The following ZNF827 variants were observed in gnomAD, a reference collection of about 807,000 sequenced individuals.
The protein encoded by ZNF827 is zinc finger protein 827.
In ZNF827, 13 loss-of-function variants were observed where a neutral mutation model predicts 102.4. The ratio of observed to expected loss-of-function variants is 0.13; its 90% CI spans 0.08 to 0.20. The LOEUF is 0.20. Among genes scored for constraint, ZNF827 ranks in the 10% least tolerant of loss-of-function variants. ZNF827 has a pLI of 1.00. For missense variants in ZNF827, 1,103 were observed against 1,344.4 expected, an observed-to-expected ratio of 0.82 and a Z score of 2.81; for synonymous variants, 523 against 536.2, an observed-to-expected ratio of 0.98 and a Z score of 0.34.
intron 4 of ZNF827, among the ~76,000 whole-genome samples, chr4:145,885,289 A>C (rs2126819590): frequency 6.6e-6 from 1 of 152,282 alleles, no homozygotes; most frequent in African/African-American, 2.4e-5. Flanking sequence ...TGCCAAAATG[A>C]GGTATTTCAT....
At chr4:145,917,141 A>G (rs1433576137) in intron 1 of ZNF827, among the ~76,000 whole-genome samples, 1 of 152,160 alleles carries the variant, frequency 6.6e-6, no homozygotes, top group Non-Finnish European at 1.5e-5. Context: ...CTGCTCCTCC[A>G]AATTCTTCTA....
At chr4:145,913,021 C>T (rs781590498) in intron 1 of ZNF827, among the ~76,000 whole-genome samples, 2 of 152,032 alleles carry the variant, frequency 1.3e-5, no homozygotes, top group Admixed American at 6.6e-5. Context: ...TACATAAAAC[C>T]GACCACATTG....
intron 2 of ZNF827, among the ~76,000 whole-genome samples, chr4:145,896,384 G>T (rs75208586): frequency 0.014 from 2,068 of 152,178 alleles, 47 homozygotes; most frequent in African/African-American, 0.047. Context: ...AAATACTGAT[G>T]GACAATCCAG....
intron 7 of ZNF827, among the ~76,000 whole-genome samples, chr4:145,829,524 T>C (rs144447761): frequency 2.0e-5 from 3 of 152,362 alleles, no homozygotes; most frequent in Non-Finnish European, 2.9e-5. Context: ...GGATAAAACA[T>C]GTCTGAAAGA....
chr4:145,935,060 T>C (rs1363335545), intron 1 of ZNF827, among the ~76,000 whole-genome samples: 1 of 152,118 alleles, frequency 6.6e-6, no homozygotes, highest in Non-Finnish European at 1.5e-5. Flanking sequence ...AGATCTCCCT[T>C]CTCCTCCTCC....
chr4:145,900,422 A>C (rs773499277), intron 2 of ZNF827, among the ~76,000 whole-genome samples: 4 of 151,490 alleles, frequency 2.6e-5, no homozygotes, highest in Non-Finnish European at 4.4e-5. Flanking sequence ...TCTTTTTTTT[A>C]TTTTTATTTT....
intron 11 of ZNF827, among the ~76,000 whole-genome samples, chr4:145,770,364 T>C (rs1736085940): frequency 6.6e-6 from 1 of 151,454 alleles, no homozygotes; most frequent in African/African-American, 2.4e-5. Context: ...GATCAGAACA[T>C]GTGAGTTTGA....
intron 4 of ZNF827, 48 bp downstream of exon 4, chr4:145,885,629 AG>A: frequency 1.3e-6 from 2 of 1,490,336 alleles, no homozygotes; most frequent in South Asian, 2.8e-5. Flanking sequence ...AGAGAGAGAG[AG>A]AGAGAGAGAG....
intron 1 of ZNF827, among the ~76,000 whole-genome samples, chr4:145,928,454 A>G (rs1236386239): frequency 6.6e-6 from 1 of 152,214 alleles, no homozygotes; most frequent in Non-Finnish European, 1.5e-5. Flanking sequence ...ATTACATAAT[A>G]CAGTTCAAGC....
chr4:145,771,434 G>A (rs1350105373), intron 11 of ZNF827, among the ~76,000 whole-genome samples: 1 of 152,192 alleles, frequency 6.6e-6, no homozygotes, highest in African/African-American at 2.4e-5. Flanking sequence ...GTCAATGTGA[G>A]GTGAGGTATT....
At position 145,758,007 on chromosome 4, in the gene ZNF827, T is replaced by C. The variant is rs1464245856; in HGVS notation, c.*3609A>G. 2 of 152,194 alleles carry C rather than the reference T, an allele frequency of 1.3e-5. No homozygotes were observed. The highest frequency in any genetic ancestry group is 2.9e-5 in the Non-Finnish European group (2 of 68,034). 9.4% of individuals were successfully genotyped at this position (152,194 alleles called of 1,614,324 possible). A position where few individuals can be genotyped will look rare whatever the true frequency, so the allele number is the denominator to read the frequency against. Reference sequence around the variant, plus strand: ...GTGTTTTATACGGAAAGGATATCTATGGAATACATCCTTCCCTGAGTATCA... The same window carrying C: ...GTGTTTTATACGGAAAGGATATCTACGGAATACATCCTTCCCTGAGTATCA... On this transcript the variant is annotated 3_prime_UTR_variant, in exon 15 of 15. Transcript: ENST00000508784.
At chr4:145,871,327 T>C (rs1748663394) in intron 4 of ZNF827, among the ~76,000 whole-genome samples, 1 of 152,218 alleles carries the variant, frequency 6.6e-6, no homozygotes, top group Non-Finnish European at 1.5e-5. Flanking sequence ...CTAATGTCCT[T>C]TTTCCATTTT....
intron 1 of ZNF827, among the ~76,000 whole-genome samples, chr4:145,933,789 A>AT (rs1389083995): frequency 3.3e-4 from 50 of 150,218 alleles, no homozygotes; most frequent in African/African-American, 1.1e-3. Context: ...CCAATGGTGA[A>AT]AAAAAAAAAA....
intron 7 of ZNF827, among the ~76,000 whole-genome samples, chr4:145,829,111 T>C (rs1362128386): frequency 6.6e-6 from 1 of 152,192 alleles, no homozygotes; most frequent in Non-Finnish European, 1.5e-5. Context: ...AAGACCTTCT[T>C]TGGTAATGAC....
At chr4:145,805,136 TGTG>T (rs1279833703) in intron 8 of ZNF827, among the ~76,000 whole-genome samples, 6 of 150,294 alleles carry the variant, frequency 4.0e-5, no homozygotes, top group Non-Finnish European at 9.0e-5. Flanking sequence ...TGTGTGTGTG[TGTG>T]TGTGTGTGTG....
intron 5 of ZNF827, among the ~76,000 whole-genome samples, chr4:145,866,064 G>C (rs1184767306): frequency 1.3e-5 from 2 of 152,182 alleles, no homozygotes; most frequent in African/African-American, 4.8e-5. Context: ...ATGAGGTGAG[G>C]AAGGGGGTGG....
At chr4:145,855,934 A>AC (rs1285914006) in intron 5 of ZNF827, among the ~76,000 whole-genome samples, 1 of 151,512 alleles carries the variant, frequency 6.6e-6, no homozygotes, top group Admixed American at 6.6e-5. Flanking sequence ...TGGCTTTTTT[A>AC]CCCTACACTG....
chr4:145,789,019 A>G (rs996279631), intron 8 of ZNF827, among the ~76,000 whole-genome samples: 1 of 152,254 alleles, frequency 6.6e-6, no homozygotes, highest in Non-Finnish European at 1.5e-5. Flanking sequence ...GTCATGAAAC[A>G]TAGTTCTAGA....
At chr4:145,859,402 A>G (rs925412396) in intron 5 of ZNF827, among the ~76,000 whole-genome samples, 2 of 152,182 alleles carry the variant, frequency 1.3e-5, no homozygotes, top group Non-Finnish European at 2.9e-5. Flanking sequence ...AACCCCCAAG[A>G]AATCTTCGCA....
Sources: allele counts gnomAD v4.1 joint callset (sites outside exome capture counted in the v4.1 genomes callset), GRCh38; gene constraint gnomAD v4.1.1; transcripts MANE v1.5; gene names NCBI Gene and HGNC (gene_info 2026-07-23, HGNC 2026-07-21).